F13A1: variants seen among roughly 807,000 people sequenced by gnomAD.
F13A1 encodes coagulation factor XIII A chain.
Under a neutral mutation model 80.1 loss-of-function variants are expected in F13A1, and 47 were observed. The ratio of observed to expected loss-of-function variants is 0.59; its 90% CI spans 0.46 to 0.75. The LOEUF (loss-of-function observed/expected upper bound fraction) is 0.75, where lower values mean the gene tolerates loss of function less well. Among genes scored for constraint, F13A1 ranks in the 30% least tolerant of loss-of-function variants. The pLI is 0.00. For synonymous variants in F13A1, 349 were observed against 344.9 expected (o/e 1.01, Z -0.13); for missense variants, 817 against 930.4 (o/e 0.88, Z 1.59).
At chr6:6,220,029 CCCAAAGTCACA>C (rs1757169041) in intron 8 of F13A1, among the ~76,000 whole-genome samples, 1 of 152,172 alleles carries the variant, frequency 6.6e-6, no homozygotes, top group Non-Finnish European at 1.5e-5. Flanking sequence ...TTGTGCCTTG[CCCAAAGTCACA>C]CAGCTTGGGC....
chr6:6,152,331 G>C lies in F13A1; in HGVS notation c.1909-382C>G, dbSNP rs568242456. ...TCAAGTTTCCTGCTGGGACAAAGGG[G>C]ATTCCTGAGTTTAAGAAGTAGAAAA... On this transcript the variant is annotated intron_variant, in intron 13 of 14. Coordinates refer to ENST00000264870, the MANE Select transcript of F13A1 (RefSeq NM_000129.4). Among the ~76,000 whole-genome samples, 4 of 152,266 alleles carry C rather than the reference G, an allele frequency of 2.6e-5. No homozygotes were observed. The South Asian group carries it at 8.3e-4, about 32-fold the overall frequency.
rs267606789 is a variant in F13A1 at position 6,151,874 on chromosome 6, G to T, written c.1984C>A (p.Arg662=). 1 of 1,613,878 alleles carries T rather than the reference G, an allele frequency of 6.2e-7. No individual in the cohort carries two copies. Among genetic ancestry groups the T allele is most frequent in the Admixed American group, 1.7e-5 (1 of 59,982 alleles). The change falls in exon 14 of 15, where the codon CGA becomes AGA. Residue 662 remains arginine, a synonymous_variant. Coordinates refer to ENST00000264870, the MANE Select transcript of F13A1 (RefSeq NM_000129.4). ...EFTNPLKETL[R]NVWVHLDGPG... ...CCATCCAGGTGTACCCAGACATTTC[G>T]CAGGGTTTCTTTTAAAGGATTGGTA...
At chr6:6,157,034 A>G (rs1199446891) in intron 13 of F13A1, among the ~76,000 whole-genome samples, 2 of 152,210 alleles carry the variant, frequency 1.3e-5, no homozygotes, top group Non-Finnish European at 2.9e-5. Flanking sequence ...AGTTCACACC[A>G]TTAGTAAGTA....
chr6:6,157,097 A>G (rs1408688922), intron 13 of F13A1, among the ~76,000 whole-genome samples: 1 of 152,260 alleles, frequency 6.6e-6, no homozygotes, highest in Non-Finnish European at 1.5e-5. Context: ...GTTGCTCAGC[A>G]ACACGTGATC....
chr6:6,280,527 C>T (rs533889800), intron 3 of F13A1, among the ~76,000 whole-genome samples: 3 of 151,938 alleles, frequency 2.0e-5, no homozygotes, highest in East Asian at 1.9e-4. Flanking sequence ...AGTTGATTAC[C>T]GCTTATATTT....
intron 6 of F13A1, among the ~76,000 whole-genome samples, chr6:6,230,175 G>C (rs900260152): frequency 6.6e-6 from 1 of 152,174 alleles, no homozygotes; most frequent in African/African-American, 2.4e-5. Flanking sequence ...TTTTGCAGCT[G>C]GGAGGTGGGT....
At chr6:6,239,905 G>C (rs1485113489) in intron 6 of F13A1, among the ~76,000 whole-genome samples, 1 of 152,132 alleles carries the variant, frequency 6.6e-6, no homozygotes, top group Non-Finnish European at 1.5e-5. Context: ...GGAGGAGACA[G>C]GGGAAAGAAA....
At chr6:6,211,620 G>A (rs1245860662) in intron 8 of F13A1, among the ~76,000 whole-genome samples, 1 of 152,254 alleles carries the variant, frequency 6.6e-6, no homozygotes, top group African/African-American at 2.4e-5. Context: ...AACTAGATGA[G>A]TCATACACAG....
Position 6,250,806 on chromosome 6 carries a change from C to G in F13A1, c.690+5G>C, listed in dbSNP as rs369605916. On this transcript the variant is annotated splice_donor_5th_base_variant and intron_variant, in intron 5 of 14. Transcript: ENST00000264870. This position sits in a 1 kb window ranked among gnomAD's most constrained non-coding sequence, Gnocchi z 4.2. ...CTTGACAATAACAAATTTTAAGTGG[C>G]TCACCTGACCATAGCTCCAGCTTCT... is the stretch of plus-strand genomic sequence containing the variant. 1.3e-6 allele frequency: 2 copies of G among 1,594,924 alleles called. No individual in the cohort carries two copies. Among genetic ancestry groups the G allele is most frequent in the Non-Finnish European group, 1.7e-6 (2 of 1,162,970 alleles).
intron 8 of F13A1, among the ~76,000 whole-genome samples, chr6:6,201,958 T>A (rs533627468): frequency 2.0e-5 from 3 of 152,312 alleles, no homozygotes; most frequent in African/African-American, 7.2e-5. Context: ...ATTTTTTAAA[T>A]AGACACATAA....
chr6:6,292,622 TA>T (rs1320346711), intron 3 of F13A1, among the ~76,000 whole-genome samples: 35 of 152,212 alleles, frequency 2.3e-4, no homozygotes, highest in Non-Finnish European at 2.9e-5. Flanking sequence ...TGGCTTTCCA[TA>T]AATGCTACTC....
At chr6:6,256,472 T>C (rs1480894964) in intron 4 of F13A1, among the ~76,000 whole-genome samples, 1 of 152,068 alleles carries the variant, frequency 6.6e-6, no homozygotes, top group African/African-American at 2.4e-5. Flanking sequence ...CCAGAGCAAC[T>C]CTGTCACCAG....
chr6:6,179,801 C>A (rs998494438), intron 11 of F13A1, among the ~76,000 whole-genome samples: 11 of 152,214 alleles, frequency 7.2e-5, no homozygotes, highest in African/African-American at 2.7e-4. Context: ...TCTCCCTCAG[C>A]CTTGCCTCCT....
chr6:6,232,701 G>A (rs115675635), intron 6 of F13A1, among the ~76,000 whole-genome samples: 4,393 of 152,060 alleles, frequency 0.029, 80 homozygotes, highest in Non-Finnish European at 0.042. Context: ...CATATGATAA[G>A]CCATAAAATG....
chr6:6,146,011 TC>T, intron 14 of F13A1, among the ~76,000 whole-genome samples: 1 of 152,266 alleles, frequency 6.6e-6, no homozygotes, highest in East Asian at 1.9e-4. Context: ...CTGGGATGCA[TC>T]CGCCAGCCTC....
intron 2 of F13A1, among the ~76,000 whole-genome samples, chr6:6,309,280 C>T (rs886077485): frequency 6.6e-6 from 1 of 151,564 alleles, no homozygotes; most frequent in African/African-American, 2.4e-5. Flanking sequence ...AATTATGACA[C>T]AGTGTCAGAC....
At chr6:6,169,728 T>A (rs1760739260) in intron 12 of F13A1, among the ~76,000 whole-genome samples, 1 of 152,204 alleles carries the variant, frequency 6.6e-6, no homozygotes, top group Non-Finnish European at 1.5e-5. Flanking sequence ...CAGTTAAACA[T>A]CCTACAATGC....
At chr6:6,198,669 T>A (rs1761335002) in intron 8 of F13A1, among the ~76,000 whole-genome samples, 1 of 152,148 alleles carries the variant, frequency 6.6e-6, no homozygotes, top group South Asian at 2.1e-4. Context: ...TAAAGGGTAA[T>A]CTTCTAGGAG....
chr6:6,304,871 A>C (rs1421872999), intron 3 of F13A1, among the ~76,000 whole-genome samples: 5 of 151,982 alleles, frequency 3.3e-5, no homozygotes, highest in Non-Finnish European at 5.9e-5. Flanking sequence ...AAAAAAAAAA[A>C]AAAAAAAAAG....
Sources: allele counts gnomAD v4.1 joint callset (sites outside exome capture counted in the v4.1 genomes callset), GRCh38; gene constraint gnomAD v4.1.1; non-coding constraint Gnocchi (gnomAD v3.1); transcripts MANE v1.5; gene names NCBI Gene and HGNC (gene_info 2026-07-23, HGNC 2026-07-21).